Variants in CTNNA3 observed in about 807,000 individuals in gnomAD.
CTNNA3 encodes the protein catenin alpha 3.
CTNNA3 carries 76 observed loss-of-function variants against 95.7 expected under a neutral mutation model. The observed-to-expected ratio is 0.79, with a 90% confidence interval of 0.66 to 0.96. CTNNA3 has a LOEUF of 0.96. Ranked by LOEUF, CTNNA3 falls within the 40% of genes least tolerant of loss-of-function variation. The pLI, the probability that CTNNA3 is intolerant of heterozygous loss-of-function variation, is 0.00. For missense variants in CTNNA3, 1,191 were observed against 1,089.8 expected (o/e 1.09, Z -1.31); for synonymous variants, 431 against 374.4 (o/e 1.15, Z -1.74).
rs201262145 is a variant in CTNNA3 at position 67,566,039 on chromosome 10, GTGTGTATATATATATATA to G, written c.293-26388_293-26371del. Among the ~76,000 whole-genome samples, 54 of 19,882 alleles carry G rather than the reference GTGTGTATATATATATATA, an allele frequency of 2.7e-3. 4 individuals are homozygous for G. In the East Asian group the frequency reaches 0.18, roughly 65 times the overall value. 13.0% of individuals were successfully genotyped at this position (19,882 alleles called of 152,430 possible). A position where few individuals can be genotyped will look rare whatever the true frequency, so the allele number is the denominator to read the frequency against. On this transcript the variant is annotated intron_variant, in intron 3 of 17. Coordinates refer to ENST00000433211, the MANE Select transcript of CTNNA3 (RefSeq NM_013266.4). Reference sequence around the variant, plus strand: ...CAAACACACACACACACATATGTGTGTGTGTATATATATATATATATATATATATATATACAAAACCTA... The same window carrying G: ...CAAACACACACACACACATATGTGTGTATATATATATATATACAAAACCTA...
chr10:66,489,033 T>C (rs971672943), intron 11 of CTNNA3, among the ~76,000 whole-genome samples: 2 of 152,098 alleles, frequency 1.3e-5, no homozygotes, highest in Non-Finnish European at 2.9e-5. Flanking sequence ...TTGTGGTTTA[T>C]CCAGGAAAAA....
At position 67,463,145 on chromosome 10, in the gene CTNNA3, T is replaced by C. The variant is rs932892297; in HGVS notation, c.579+58697A>G. ...TCTCAAAACTCCTAACCTCAGCTCA[T>C]CTGCCCACCTTGACCTCCTAAAGTG... On this transcript the variant is annotated intron_variant, in intron 5 of 17. Transcript: ENST00000433211. Among the ~76,000 whole-genome samples the C allele has an allele frequency of 5.9e-5, 9 of 152,182 alleles. No homozygotes were observed. The East Asian group carries it at 1.5e-3, about 26-fold the overall frequency.
At chr10:66,951,111 A>ACG (rs1000402088) in intron 7 of CTNNA3, among the ~76,000 whole-genome samples, 1 of 148,016 alleles carries the variant, frequency 6.8e-6, no homozygotes, top group African/African-American at 2.5e-5. Context: ...ACACACACAC[A>ACG]CACACACTGT....
chr10:67,276,285 G>A (rs1462540654), intron 5 of CTNNA3, among the ~76,000 whole-genome samples: 3 of 152,070 alleles, frequency 2.0e-5, no homozygotes, highest in Non-Finnish European at 4.4e-5. Context: ...GAGTTTGCCT[G>A]TTTACTTTTC....
intron 15 of CTNNA3, among the ~76,000 whole-genome samples, chr10:66,003,225 A>C (rs1471715200): frequency 6.6e-6 from 1 of 152,190 alleles, no homozygotes; most frequent in Non-Finnish European, 1.5e-5. Context: ...TTTGCTTATG[A>C]AACAAGGATA....
intron 9 of CTNNA3, among the ~76,000 whole-genome samples, chr10:66,644,435 C>T (rs1845629950): frequency 6.9e-6 from 1 of 143,974 alleles, no homozygotes; most frequent in Non-Finnish European, 1.5e-5. Flanking sequence ...TTGATCCAAA[C>T]CCCCAGATCC....
At chr10:66,211,742 G>T (rs1446572639) in intron 13 of CTNNA3, among the ~76,000 whole-genome samples, 1 of 152,146 alleles carries the variant, frequency 6.6e-6, no homozygotes, top group African/African-American at 2.4e-5. Context: ...GTAGTAAGAG[G>T]TGGAGTTTAC....
chr10:66,351,348 C>G (rs1285690155), intron 12 of CTNNA3, among the ~76,000 whole-genome samples: 1 of 151,894 alleles, frequency 6.6e-6, no homozygotes, highest in Non-Finnish European at 1.5e-5. Flanking sequence ...GATAAGAAGA[C>G]TTGGGCTGAG....
chr10:67,132,083 G>T (rs541504675), intron 7 of CTNNA3, among the ~76,000 whole-genome samples: 29 of 152,208 alleles, frequency 1.9e-4, no homozygotes, highest in South Asian at 6.2e-4. Flanking sequence ...TAGCATCAGT[G>T]TGAATAGACA....
Position 66,389,423 on chromosome 10 carries a change from G to C in CTNNA3, c.1532-10071C>G, listed in dbSNP as rs570647133. ...TGAGGGGTGGAATGTCCTGGTGTTA[G>C]CGTAAATGCTGAAATGCATTCATTT... On this transcript the variant is annotated intron_variant, in intron 11 of 17. Coordinates refer to ENST00000433211, the MANE Select transcript of CTNNA3 (RefSeq NM_013266.4). 6.6e-5 allele frequency among the ~76,000 whole-genome samples: 10 copies of C among 152,182 alleles called. No individual in the cohort carries two copies. In the South Asian group the frequency reaches 2.1e-3, roughly 32 times the overall value.
intron 5 of CTNNA3, among the ~76,000 whole-genome samples, chr10:67,230,069 C>T (rs1180340781): frequency 1.3e-5 from 2 of 152,174 alleles, no homozygotes; most frequent in African/African-American, 2.4e-5. Context: ...TGATTTCAAA[C>T]TATACTATAA....
intron 9 of CTNNA3, among the ~76,000 whole-genome samples, chr10:66,684,752 C>T (rs1189086643): frequency 6.6e-6 from 1 of 151,826 alleles, no homozygotes; most frequent in Non-Finnish European, 1.5e-5. Flanking sequence ...CTTGGAAGTC[C>T]AAGATAAAAT....
At chr10:66,572,375 CTG>C (rs1270329632) in intron 10 of CTNNA3, among the ~76,000 whole-genome samples, 3 of 95,728 alleles carry the variant, frequency 3.1e-5, no homozygotes, top group Admixed American at 1.2e-4. Flanking sequence ...AGAGGAGACT[CTG>C]TCTTAAAAAA....
chr10:66,647,872 G>A (rs1048885679), intron 9 of CTNNA3, among the ~76,000 whole-genome samples: 1 of 151,998 alleles, frequency 6.6e-6, no homozygotes, highest in African/African-American at 2.4e-5. Flanking sequence ...AGAAGCATAT[G>A]CTATCAAAAA....
At chr10:66,538,319 T>A (rs1391379768) in intron 10 of CTNNA3, among the ~76,000 whole-genome samples, 1 of 152,156 alleles carries the variant, frequency 6.6e-6, no homozygotes, top group East Asian at 1.9e-4. Context: ...AGGTGGTGGT[T>A]TCAGAGTCTT....
intron 10 of CTNNA3, among the ~76,000 whole-genome samples, chr10:66,595,144 A>AG (rs1453827469): frequency 6.6e-6 from 1 of 152,074 alleles, no homozygotes; most frequent in African/African-American, 2.4e-5. Flanking sequence ...CCACTGTTCC[A>AG]GCATCACAGT....
intron 13 of CTNNA3, among the ~76,000 whole-genome samples, chr10:66,115,628 G>C: frequency 6.8e-6 from 1 of 147,996 alleles, no homozygotes; most frequent in Non-Finnish European, 1.5e-5. Flanking sequence ...GATAGAGATA[G>C]AGATAGAGAT....
intron 5 of CTNNA3, among the ~76,000 whole-genome samples, chr10:67,379,189 CTG>C (rs1484186232): frequency 6.6e-6 from 1 of 152,076 alleles, no homozygotes. Context: ...GAGCATAATT[CTG>C]TCTTTTATTT....
In CTNNA3 at chr10:66,716,553, G is replaced by T. The variant is rs117172925; in HGVS notation, c.1281+49711C>A. On this transcript the variant is annotated intron_variant, in intron 9 of 17. Coordinates refer to ENST00000433211, the MANE Select transcript of CTNNA3 (RefSeq NM_013266.4). ...AGCCCGAGTAATATTAACCACGAGA[G>T]TGAATGTTTAGAGTTACAGATTGCA... Among the ~76,000 whole-genome samples, 408 of 152,280 alleles carry T rather than the reference G, an allele frequency of 2.7e-3. 12 individuals carry two copies. In the East Asian group the frequency reaches 0.055, roughly 20 times the overall value.
Sources: allele counts gnomAD v4.1 joint callset (sites outside exome capture counted in the v4.1 genomes callset), GRCh38; gene constraint gnomAD v4.1.1; transcripts MANE v1.5; gene names NCBI Gene and HGNC (gene_info 2026-07-23, HGNC 2026-07-21).